The following ABHD2 variants were observed in gnomAD, a reference collection of about 807,000 sequenced individuals.
ABHD2 encodes the protein monoacylglycerol lipase ABHD2.
In ABHD2, 20 loss-of-function variants were observed where a neutral mutation model predicts 48.1. That is an observed-to-expected ratio of 0.42 (90% CI 0.29 to 0.60). The LOEUF is 0.60. ABHD2 is among the 20% of genes least tolerant of loss of function. The pLI, the probability that ABHD2 is intolerant of heterozygous loss-of-function variation, is 0.24. For missense variants in ABHD2, 405 were observed against 550.9 expected (o/e 0.74, Z 2.65); for synonymous variants, 209 against 214.2 (o/e 0.98, Z 0.21).
chr15:89,126,778 A>C (rs2050136956), intron 3 of ABHD2, among the ~76,000 whole-genome samples: 1 of 152,210 alleles, frequency 6.6e-6, no homozygotes, highest in African/African-American at 2.4e-5. Context: ...TGTCTGAAGC[A>C]ACAGTGAGTG....
At position 89,102,932 on chromosome 15, in the gene ABHD2, C is replaced by T. The variant is rs909616921; in HGVS notation, c.-106-10793C>T. Among the ~76,000 whole-genome samples the T allele has an allele frequency of 2.6e-5, 4 of 152,218 alleles. No homozygotes were observed. Among genetic ancestry groups the T allele is most frequent in the African/African-American group, 9.6e-5 (4 of 41,460 alleles). On this transcript the variant is annotated intron_variant, in intron 1 of 10. Coordinates refer to ENST00000352732, the MANE Select transcript of ABHD2 (RefSeq NM_152924.5). This position sits in a 1 kb window ranked among gnomAD's most constrained non-coding sequence, Gnocchi z 4.8. ...CTTTAAAGAAGGCTGAGAAAACTTA[C>T]TTCCAGAGTGGGAGGCAGGAGGAGT...
chr15:89,154,352 T>A (rs2050637899), intron 4 of ABHD2, among the ~76,000 whole-genome samples: 1 of 152,242 alleles, frequency 6.6e-6, no homozygotes, highest in South Asian at 2.1e-4. Context: ...AAAATCTTAA[T>A]TTGAAGAAAA....
upstream of ABHD2, among the ~76,000 whole-genome samples, chr15:89,083,894 C>T (rs763976480): frequency 1.2e-4 from 18 of 152,182 alleles, no homozygotes; most frequent in African/African-American, 4.3e-4. This position sits in a 1 kb window ranked among gnomAD's most constrained non-coding sequence, Gnocchi z 5.1. Flanking sequence ...CAATAAGAAG[C>T]CAGACAGTCG....
chr15:89,053,118 C>T, the ABHD2 span, among the ~76,000 whole-genome samples: 7 of 152,032 alleles, frequency 4.6e-5, no homozygotes, highest in Non-Finnish European at 1.0e-4. Context: ...AGGCACGTGC[C>T]ACCACGCCTG....
the ABHD2 span, among the ~76,000 whole-genome samples, chr15:89,047,384 G>A: frequency 6.6e-6 from 1 of 152,060 alleles, no homozygotes; most frequent in African/African-American, 2.4e-5. Context: ...TTGATTTGGG[G>A]TGGAGAGTTC....
At chr15:89,075,781 C>T in the ABHD2 span, among the ~76,000 whole-genome samples, 2 of 152,164 alleles carry the variant, frequency 1.3e-5, no homozygotes, top group African/African-American at 4.8e-5. The surrounding 1 kb of genome is among the most constrained non-coding windows in gnomAD (Gnocchi z 4.1). Flanking sequence ...AGGCTGAGGA[C>T]AGGCCCAGGA....
At chr15:89,110,794 T>C (rs1022755427) in intron 1 of ABHD2, among the ~76,000 whole-genome samples, 1 of 152,068 alleles carries the variant, frequency 6.6e-6, no homozygotes, top group Admixed American at 6.6e-5. Context: ...GAATTGAATT[T>C]TAAAACCTTG....
At chr15:89,062,569 G>A in the ABHD2 span, among the ~76,000 whole-genome samples, 26 of 152,100 alleles carry the variant, frequency 1.7e-4, no homozygotes, top group African/African-American at 6.0e-4. Flanking sequence ...TGTAATTTTT[G>A]TAGAGACAGG....
chr15:89,060,765 C>G, the ABHD2 span, among the ~76,000 whole-genome samples: 1 of 152,204 alleles, frequency 6.6e-6, no homozygotes, highest in African/African-American at 2.4e-5. Flanking sequence ...GGGGAAGTGT[C>G]CATCATCTCA....
chr15:89,181,332 A>G, intron 6 of ABHD2, among the ~76,000 whole-genome samples: 1 of 152,144 alleles, frequency 6.6e-6, no homozygotes, highest in East Asian at 1.9e-4. Flanking sequence ...CTGGAAAGAA[A>G]TCCCCTCCTT....
Position 89,184,284 on chromosome 15 carries a change from T to C in ABHD2, c.723-1140T>C, listed in dbSNP as rs1190463689. Among the ~76,000 whole-genome samples the C allele has an allele frequency of 2.6e-5, 4 of 152,252 alleles. No individual in the cohort carries two copies. The East Asian group carries it at 5.8e-4, about 22-fold the overall frequency. ...TTGTAGCAGCTTTGGGGAAATTACT[T>C]TTATAAAATTACTTTTATAAACTCC... On this transcript the variant is annotated intron_variant, in intron 6 of 10. Coordinates refer to ENST00000352732, the MANE Select transcript of ABHD2 (RefSeq NM_152924.5). The surrounding 1 kb of genome is among the most constrained non-coding windows in gnomAD (Gnocchi z 5.1).
the ABHD2 span, among the ~76,000 whole-genome samples, chr15:89,062,075 C>T: frequency 6.6e-6 from 1 of 151,976 alleles, no homozygotes; most frequent in Admixed American, 6.6e-5. Flanking sequence ...GGTTTAAGCT[C>T]ACGGCTACCA....
rs8039249 is a variant in ABHD2 at position 89,144,700 on chromosome 15, G to C, written c.195-6977G>C. ...AGGGAATGGGAGACGGAGAAAATGG[G>C]AAGTGACTGCTTCATGCATACAGGC... On this transcript the variant is annotated intron_variant, in intron 3 of 10. Transcript: ENST00000352732. 3.2e-3 allele frequency among the ~76,000 whole-genome samples: 484 copies of C among 152,278 alleles called. 2 individuals are homozygous for C. Among genetic ancestry groups the C allele is most frequent in the Non-Finnish European group, 5.1e-3 (349 of 68,030 alleles).
chr15:89,169,015 T>C (rs1301485685), intron 5 of ABHD2, among the ~76,000 whole-genome samples: 3 of 152,086 alleles, frequency 2.0e-5, no homozygotes, highest in Non-Finnish European at 4.4e-5. Flanking sequence ...CGTCTTGAGC[T>C]TGGGGAGGTC....
At chr15:89,171,635 CAGGCTAAGCTTCCGAA>C (rs1302023961) in intron 5 of ABHD2, among the ~76,000 whole-genome samples, 16 of 152,252 alleles carry the variant, frequency 1.1e-4, no homozygotes, top group African/African-American at 3.1e-4. Flanking sequence ...AAACTGCTAC[CAGGCTAAGCTTCCGAA>C]AGGCTAAGCA....
chr15:89,144,581 C>A (rs1259539260), intron 3 of ABHD2, among the ~76,000 whole-genome samples: 1 of 152,094 alleles, frequency 6.6e-6, no homozygotes, highest in Non-Finnish European at 1.5e-5. Flanking sequence ...AGTGAAAAAT[C>A]CCAAGACAAA....
upstream of ABHD2, among the ~76,000 whole-genome samples, chr15:89,083,295 CA>C (rs1395606022): frequency 5.3e-5 from 8 of 152,116 alleles, no homozygotes; most frequent in Non-Finnish European, 1.2e-4. The surrounding 1 kb of genome is among the most constrained non-coding windows in gnomAD (Gnocchi z 5.1). Context: ...ATTTAATGCA[CA>C]AGTTTTATCG....
At chr15:89,063,075 C>CT in the ABHD2 span, among the ~76,000 whole-genome samples, 2 of 150,644 alleles carry the variant, frequency 1.3e-5, no homozygotes, top group East Asian at 3.9e-4. Flanking sequence ...TCAGGTGACT[C>CT]TCGTGCCTCA....
At chr15:89,191,511 A>G (rs1366343946) in intron 9 of ABHD2, among the ~76,000 whole-genome samples, 2 of 151,880 alleles carry the variant, frequency 1.3e-5, no homozygotes. Context: ...GCCATTCTGT[A>G]TTTTGTTACC....
Sources: gnomAD v4.1 joint callset for allele counts (sites outside exome capture counted in the v4.1 genomes callset) on GRCh38, gnomAD v4.1.1 for gene constraint, Gnocchi (gnomAD v3.1) non-coding constraint, MANE v1.5 for transcripts, NCBI Gene and HGNC (gene_info 2026-07-23, HGNC 2026-07-21) for gene names.